Variants in ERC2 observed in about 807,000 individuals in gnomAD.
ERC2 encodes ELKS/RAB6-interacting/CAST family member 2.
ERC2 carries 42 observed loss-of-function variants against 114.8 expected under a neutral mutation model. The ratio of observed to expected loss-of-function variants is 0.37; its 90% CI spans 0.29 to 0.47. The LOEUF is 0.47. Among genes scored for constraint, ERC2 ranks in the 20% least tolerant of loss-of-function variants. ERC2 has a pLI of 0.99. For synonymous variants in ERC2, 454 were observed against 425.5 expected, an observed-to-expected ratio of 1.07 and a Z score of -0.82; for missense variants, 939 against 1,150.7, an observed-to-expected ratio of 0.82 and a Z score of 2.66.
intron 3 of ERC2, among the ~76,000 whole-genome samples, chr3:56,253,390 T>A (rs1461379742): frequency 6.6e-6 from 1 of 152,228 alleles, no homozygotes; most frequent in Non-Finnish European, 1.5e-5. Flanking sequence ...AAAACTTACT[T>A]TTCTTTTTCT....
intron 3 of ERC2, among the ~76,000 whole-genome samples, chr3:56,219,000 G>A (rs992110291): frequency 6.6e-6 from 1 of 152,090 alleles, no homozygotes; most frequent in African/African-American, 2.4e-5. Flanking sequence ...GGGGTGGTTT[G>A]GGGGGAGGGA....
At position 56,080,895 on chromosome 3, in the gene ERC2, C is replaced by G; in HGVS notation, c.1563G>C (p.Gly521=). Residue 521 remains glycine (G), a synonymous_variant, in exon 7 of 18, where the codon GGG becomes GGC. Coordinates refer to ENST00000288221, the MANE Select transcript of ERC2 (RefSeq NM_015576.3). ...TGTCACGAATTTCACCGGCCAGTGT[C>G]CCCTTCTCTTCTGTGAGGTCCTGTA... is the stretch of plus-strand genomic sequence containing the variant. ...KQLQDLTEEK[G]TLAGEIRDMK... is the part of the protein sequence containing the mutation. 1 of 1,613,760 alleles carries G rather than the reference C, an allele frequency of 6.2e-7. No homozygotes were observed. Among genetic ancestry groups the G allele is most frequent in the East Asian group, 2.2e-5 (1 of 44,874 alleles).
chr3:55,537,153 C>T (rs759894932), intron 17 of ERC2, among the ~76,000 whole-genome samples: 51 of 152,220 alleles, frequency 3.4e-4, no homozygotes, highest in Non-Finnish European at 7.1e-4. Flanking sequence ...CCACCGACAC[C>T]GGTAACTCAC....
chr3:56,143,886 T>C (rs955395648), intron 5 of ERC2, among the ~76,000 whole-genome samples: 5 of 152,222 alleles, frequency 3.3e-5, no homozygotes, highest in African/African-American at 1.2e-4. Flanking sequence ...CTACTGACAA[T>C]ATTAGCTGAG....
intron 16 of ERC2, among the ~76,000 whole-genome samples, chr3:55,693,640 GA>G (rs2062779190): frequency 6.6e-6 from 1 of 151,936 alleles, no homozygotes; most frequent in Non-Finnish European, 1.5e-5. Context: ...TCACAAAACA[GA>G]AGAATGGAAA....
chr3:55,714,667 GTATATATATATA>G (rs59969304), intron 15 of ERC2, among the ~76,000 whole-genome samples: 3,349 of 88,214 alleles, frequency 0.038, 71 homozygotes, highest in Non-Finnish European at 0.052. Context: ...GTGTGTGTGT[GTATATATATATA>G]TATATATATA....
intron 3 of ERC2, among the ~76,000 whole-genome samples, chr3:56,264,426 G>A (rs1036844635): frequency 5.3e-5 from 8 of 151,876 alleles, no homozygotes; most frequent in East Asian, 1.9e-4. Flanking sequence ...GTGAAACCCC[G>A]CCTCTACTGA....
chr3:56,454,395 A>C (rs17825469), intron 1 of ERC2, among the ~76,000 whole-genome samples: 1 of 152,188 alleles, frequency 6.6e-6, no homozygotes, highest in African/African-American at 2.4e-5. Flanking sequence ...TTAAACCTGG[A>C]TAAGCTAGTC....
At chr3:55,957,218 T>TA (rs1338736222) in intron 12 of ERC2, among the ~76,000 whole-genome samples, 2 of 152,168 alleles carry the variant, frequency 1.3e-5, no homozygotes, top group African/African-American at 2.4e-5. Flanking sequence ...AAGATGTTCC[T>TA]ATTCCTTGTT....
chr3:56,286,700 G>A (rs968824801), intron 3 of ERC2, among the ~76,000 whole-genome samples: 29 of 151,558 alleles, frequency 1.9e-4, no homozygotes, highest in African/African-American at 2.7e-4. Flanking sequence ...TACTATATAC[G>A]TACTTACGTA....
chr3:55,567,019 T>C (rs1420360463), intron 17 of ERC2, among the ~76,000 whole-genome samples: 2 of 152,176 alleles, frequency 1.3e-5, no homozygotes, highest in Non-Finnish European at 1.5e-5. Flanking sequence ...ATTTTCAAAA[T>C]GTATATATAT....
At chr3:56,232,661 G>T (rs1461056766) in intron 3 of ERC2, among the ~76,000 whole-genome samples, 1 of 152,202 alleles carries the variant, frequency 6.6e-6, no homozygotes, top group Non-Finnish European at 1.5e-5. Flanking sequence ...GAAGTGGCCA[G>T]GGCCATGATG....
intron 7 of ERC2, among the ~76,000 whole-genome samples, chr3:56,030,503 C>G (rs899657533): frequency 2.0e-5 from 3 of 152,080 alleles, no homozygotes; most frequent in Non-Finnish European, 2.9e-5. Context: ...AGCTCTGTTG[C>G]ATATACATTT....
At chr3:56,121,039 G>T (rs1008629358) in intron 6 of ERC2, among the ~76,000 whole-genome samples, 2 of 152,166 alleles carry the variant, frequency 1.3e-5, no homozygotes, top group African/African-American at 2.4e-5. Context: ...GTGAAGTCAG[G>T]ACAGCCCTAA....
At chr3:56,273,906 A>C (rs2053824186) in intron 3 of ERC2, among the ~76,000 whole-genome samples, 1 of 148,158 alleles carries the variant, frequency 6.7e-6, no homozygotes, top group Admixed American at 6.7e-5. Context: ...TGCCCTCTAG[A>C]GTTGTGCAGT....
intron 7 of ERC2, among the ~76,000 whole-genome samples, chr3:56,050,238 G>T (rs990008944): frequency 6.6e-6 from 1 of 152,168 alleles, no homozygotes; most frequent in African/African-American, 2.4e-5. Flanking sequence ...AGTAAAACAT[G>T]CTTATATTAA....
At chr3:55,828,446 C>T (rs1449511099) in intron 14 of ERC2, among the ~76,000 whole-genome samples, 1 of 97,940 alleles carries the variant, frequency 1.0e-5, no homozygotes, top group Non-Finnish European at 1.9e-5. Context: ...TGCCTAAAGG[C>T]GGAGTGTAGC....
intron 3 of ERC2, among the ~76,000 whole-genome samples, chr3:56,235,717 T>C (rs1334960545): frequency 6.6e-6 from 1 of 152,218 alleles, no homozygotes; most frequent in Non-Finnish European, 1.5e-5. Context: ...AATGACTATT[T>C]AAATTTAAAT....
chr3:56,456,647 T>C (rs905083697), intron 1 of ERC2, among the ~76,000 whole-genome samples: 34 of 152,234 alleles, frequency 2.2e-4, no homozygotes, highest in African/African-American at 8.2e-4. Flanking sequence ...ACTAGCCATA[T>C]TGGGCATGCC....
Sources: allele counts gnomAD v4.1 joint callset (sites outside exome capture counted in the v4.1 genomes callset), GRCh38; gene constraint gnomAD v4.1.1; transcripts MANE v1.5; gene names NCBI Gene and HGNC (gene_info 2026-07-23, HGNC 2026-07-21).